The following NCOA2 variants were observed in gnomAD, a reference collection of about 807,000 sequenced individuals.
NCOA2 encodes nuclear receptor coactivator 2.
In NCOA2, 21 loss-of-function variants were observed where a neutral mutation model predicts 145.1. The observed-to-expected ratio is 0.14, with a 90% CI of 0.10 to 0.21. The LOEUF (loss-of-function observed/expected upper bound fraction) is 0.21, where lower values mean the gene tolerates loss of function less well. NCOA2 is among the 10% of genes least tolerant of loss of function. The probability of loss-of-function intolerance (pLI) is 1.00; values close to 1 mark genes in which losing one functional copy is unlikely to be tolerated. For missense variants in NCOA2, 1,472 were observed against 1,837.6 expected (o/e 0.80, Z 3.64); for synonymous variants, 619 against 637.5 (o/e 0.97, Z 0.44).
intron 7 of NCOA2, among the ~76,000 whole-genome samples, chr8:70,164,894 G>C (rs1585914758): frequency 6.6e-6 from 1 of 151,638 alleles, no homozygotes; most frequent in African/African-American, 2.4e-5. Flanking sequence ...ACACGTAGTA[G>C]CATTATTTCC....
At chr8:70,382,671 T>C (rs1472085110) in intron 1 of NCOA2, among the ~76,000 whole-genome samples, 1 of 152,174 alleles carries the variant, frequency 6.6e-6, no homozygotes, top group East Asian at 1.9e-4. Context: ...AGTCAGAACA[T>C]GGAGGCATTT....
intron 2 of NCOA2, among the ~76,000 whole-genome samples, chr8:70,251,509 T>C (rs1229886994): frequency 6.6e-6 from 1 of 152,232 alleles, no homozygotes; most frequent in Non-Finnish European, 1.5e-5. Flanking sequence ...TAAACCACTC[T>C]AAAGTAAGTC....
At chr8:70,266,031 G>T (rs1824554964) in intron 2 of NCOA2, among the ~76,000 whole-genome samples, 1 of 152,032 alleles carries the variant, frequency 6.6e-6, no homozygotes, top group Non-Finnish European at 1.5e-5. Context: ...ATGCCTGTAG[G>T]CCCAGCTGCT....
At chr8:70,192,181 T>A (rs898963839) in intron 4 of NCOA2, among the ~76,000 whole-genome samples, 6 of 152,252 alleles carry the variant, frequency 3.9e-5, no homozygotes, top group Admixed American at 3.9e-4. Context: ...TAGGAGTTTT[T>A]AAGATTTGCT....
intron 2 of NCOA2, among the ~76,000 whole-genome samples, chr8:70,230,912 T>C (rs1426431612): frequency 1.3e-5 from 2 of 152,218 alleles, no homozygotes; most frequent in African/African-American, 2.4e-5. Context: ...TTATCCACCA[T>C]GTCATTAAAT....
chr8:70,185,486 C>T (rs1815965150), intron 4 of NCOA2, among the ~76,000 whole-genome samples: 1 of 152,142 alleles, frequency 6.6e-6, no homozygotes, highest in African/African-American at 2.4e-5. Flanking sequence ...GAGAATGGGG[C>T]TGAGAGGACA....
chr8:70,315,827 C>G (rs184331223), intron 1 of NCOA2, among the ~76,000 whole-genome samples: 9 of 152,182 alleles, frequency 5.9e-5, no homozygotes, highest in Middle Eastern at 3.2e-3. Context: ...TTCAAACAGG[C>G]CACACGGCTG....
chr8:70,164,781 C>T (rs980806722), intron 7 of NCOA2, among the ~76,000 whole-genome samples: 11 of 151,512 alleles, frequency 7.3e-5, no homozygotes, highest in African/African-American at 2.2e-4. Flanking sequence ...AATTATAGTC[C>T]TCAAGAAAAT....
intron 2 of NCOA2, among the ~76,000 whole-genome samples, chr8:70,225,203 T>C (rs1233933949): frequency 6.6e-6 from 1 of 152,042 alleles, no homozygotes; most frequent in East Asian, 1.9e-4. Context: ...GGGTGGGGAA[T>C]AGTAAAACAA....
intron 12 of NCOA2, among the ~76,000 whole-genome samples, chr8:70,148,063 T>C (rs1204708576): frequency 1.3e-5 from 2 of 152,182 alleles, no homozygotes; most frequent in Non-Finnish European, 2.9e-5. Flanking sequence ...CCAGTGCTGA[T>C]TAAATTAACC....
At chr8:70,403,401 C>T (rs1814568151) in intron 1 of NCOA2, among the ~76,000 whole-genome samples, 1 of 151,416 alleles carries the variant, frequency 6.6e-6, no homozygotes, top group South Asian at 2.1e-4. Context: ...CCTGAGCTCT[C>T]GCAAGGCGCT....
rs577327441 is a variant in NCOA2, at chr8:70,375,902, T to C, written c.-77+27798A>G. The stretch of plus-strand genomic sequence containing the variant: ...AATTAAGCATGACTTTTCCTACTAA[T>C]ACCCATTTGCTCTTTTCACTTTAAT... On this transcript the variant is annotated intron_variant, in intron 1 of 22. Transcript: ENST00000452400. 7.0e-4 allele frequency among the ~76,000 whole-genome samples: 107 copies of C among 152,370 alleles called. 1 individual carries two copies. The South Asian group carries it at 0.022, about 31-fold the overall frequency.
intron 1 of NCOA2, among the ~76,000 whole-genome samples, chr8:70,403,403 C>G (rs943042913): frequency 2.0e-5 from 3 of 151,510 alleles, no homozygotes; most frequent in African/African-American, 7.3e-5. Flanking sequence ...TGAGCTCTCG[C>G]AAGGCGCTGG....
intron 21 of NCOA2, among the ~76,000 whole-genome samples, chr8:70,123,454 T>C (rs183613744): frequency 2.6e-5 from 4 of 152,268 alleles, no homozygotes; most frequent in African/African-American, 7.2e-5. Context: ...GAGACGGATG[T>C]TGCAGTGAGC....
chr8:70,184,458 G>C (rs999032628), intron 4 of NCOA2, among the ~76,000 whole-genome samples: 1 of 152,124 alleles, frequency 6.6e-6, no homozygotes, highest in Non-Finnish European at 1.5e-5. Flanking sequence ...CAGGTTTCTT[G>C]TCCCTCCCAC....
chr8:70,153,318 T>C (rs1275930556), intron 11 of NCOA2, among the ~76,000 whole-genome samples: 1 of 152,214 alleles, frequency 6.6e-6, no homozygotes, highest in East Asian at 1.9e-4. Flanking sequence ...GATTACACTC[T>C]GGACTTTATG....
intron 10 of NCOA2, among the ~76,000 whole-genome samples, chr8:70,157,627 T>C (rs1344560693): frequency 3.3e-5 from 5 of 152,216 alleles, no homozygotes; most frequent in South Asian, 4.1e-4. Context: ...CAGTTTTTTT[T>C]CCAGAGATTA....
chr8:70,296,292 T>C (rs142858095), intron 2 of NCOA2, among the ~76,000 whole-genome samples: 23 of 152,322 alleles, frequency 1.5e-4, no homozygotes, highest in South Asian at 2.1e-4. Flanking sequence ...GGTTGGCTCA[T>C]TGCATTTTAT....
At chr8:70,368,226 CAGAA>C in intron 1 of NCOA2, among the ~76,000 whole-genome samples, 1 of 152,256 alleles carries the variant, frequency 6.6e-6, no homozygotes, top group Admixed American at 6.5e-5. Context: ...AGGACGTGGA[CAGAA>C]AGAAAGACAA....
Sources: gnomAD v4.1 joint callset for allele counts (sites outside exome capture counted in the v4.1 genomes callset) on GRCh38, gnomAD v4.1.1 for gene constraint, MANE v1.5 for transcripts, NCBI Gene and HGNC (gene_info 2026-07-23, HGNC 2026-07-21) for gene names.